The following ACSL5 variants were observed in gnomAD, a reference collection of about 807,000 sequenced individuals.
The protein encoded by ACSL5 is acyl-CoA synthetase long chain family member 5.
In ACSL5, 50 loss-of-function variants were observed where a neutral mutation model predicts 84.9. The ratio of observed to expected loss-of-function variants is 0.59; its 90% CI spans 0.47 to 0.75. ACSL5 has a LOEUF of 0.75. ACSL5 is among the 30% of genes least tolerant of loss of function. The probability of loss-of-function intolerance (pLI) is 0.00; values close to 1 mark genes in which losing one functional copy is unlikely to be tolerated. For missense variants in ACSL5, 775 were observed against 830.4 expected (o/e 0.93, Z 0.82); for synonymous variants, 280 against 300.7 (o/e 0.93, Z 0.71).
In ACSL5 at chr10:112,426,670, A is replaced by G. The variant is rs1358651602; in HGVS notation, c.1840-118A>G. 5 of 871,618 alleles carry G rather than the reference A, an allele frequency of 5.7e-6. No homozygotes were observed. The African/African-American group carries it at 6.7e-5, about 12-fold the overall frequency. 54.0% of individuals were successfully genotyped at this position (871,618 alleles called of 1,614,324 possible). ...TTGGGCATATAATGTGCTTGTGCAT[A>G]GTTTTATATTCCTGCTTTCATACTG... On this transcript the variant is annotated intron_variant, in intron 19 of 20. Transcript: ENST00000354655.
chr10:112,413,405 T>A, intron 12 of ACSL5, 98 bp downstream of exon 12: 2 of 1,388,610 alleles, frequency 1.4e-6, no homozygotes, highest in Non-Finnish European at 2.0e-6. Context: ...CTCCACCCTC[T>A]ACAAGTATCT....
chr10:112,410,764 C>A, intron 9 of ACSL5, 129 bp downstream of exon 9: 1 of 900,094 alleles, frequency 1.1e-6, no homozygotes. Context: ...CAGCCTAAGG[C>A]TTCTAAGTGT....
Position 112,382,283 on chromosome 10 carries a change from T to G in ACSL5, c.-30+8014T>G, listed in dbSNP as rs567252814. On this transcript the variant is annotated intron_variant, in intron 1 of 20. Coordinates refer to ENST00000354655, the MANE Select transcript of ACSL5 (RefSeq NM_203379.2). ...CTGTCCTGCTGTGTGCATAGAAGCA[T>G]GTTCTGTTCCTTGTGGGATTGAACA... Among the ~76,000 whole-genome samples the G allele has an allele frequency of 3.9e-5, 6 of 152,364 alleles. 1 individual carries two copies. Among genetic ancestry groups the G allele is most frequent in the Admixed American group, 3.9e-4 (6 of 15,310 alleles).
chr10:112,383,519 C>A (rs1849391381), intron 1 of ACSL5, among the ~76,000 whole-genome samples: 1 of 152,214 alleles, frequency 6.6e-6, no homozygotes, highest in Non-Finnish European at 1.5e-5. Flanking sequence ...CAGCCTTCAC[C>A]TTTGCTCTGG....
intron 2 of ACSL5, among the ~76,000 whole-genome samples, chr10:112,397,445 C>T (rs1345034520): frequency 1.3e-5 from 2 of 152,182 alleles, no homozygotes; most frequent in Non-Finnish European, 2.9e-5. Flanking sequence ...GCTGAAATTA[C>T]AGGCGTGAGC....
At chr10:112,413,973 A>G (rs1277876570) in intron 12 of ACSL5, among the ~76,000 whole-genome samples, 42 of 152,142 alleles carry the variant, frequency 2.8e-4, no homozygotes, top group Admixed American at 2.7e-3. Flanking sequence ...TACACCTATT[A>G]TTTCTAACTT....
At chr10:112,392,731 ATTCT>A (rs1179099367) in intron 1 of ACSL5, among the ~76,000 whole-genome samples, 1 of 136,710 alleles carries the variant, frequency 7.3e-6, no homozygotes, top group African/African-American at 2.6e-5. Flanking sequence ...ACAGAGCGAG[ATTCT>A]GTCTCAAAAA....
chr10:112,407,984 C>T (rs1844085157), intron 5 of ACSL5, among the ~76,000 whole-genome samples: 1 of 151,974 alleles, frequency 6.6e-6, no homozygotes, highest in African/African-American at 2.4e-5. Flanking sequence ...GCAGTATTTA[C>T]AACTGTCCCT....
intron 1 of ACSL5, among the ~76,000 whole-genome samples, chr10:112,377,391 T>C (rs1849261875): frequency 1.3e-5 from 2 of 152,140 alleles, no homozygotes; most frequent in African/African-American, 4.8e-5. Flanking sequence ...AATACAAAAA[T>C]TAGCTTGGCG....
chr10:112,386,567 T>C (rs1229547222), intron 1 of ACSL5, among the ~76,000 whole-genome samples: 2 of 152,196 alleles, frequency 1.3e-5, no homozygotes, highest in Non-Finnish European at 2.9e-5. Context: ...ACCCAATTCC[T>C]GCTATTTTTC....
chr10:112,407,314 C>G (rs1479000299), intron 5 of ACSL5, among the ~76,000 whole-genome samples: 3 of 152,130 alleles, frequency 2.0e-5, no homozygotes, highest in Admixed American at 6.5e-5. Flanking sequence ...ACCTCCACCT[C>G]CCGGGTTCAA....
intron 5 of ACSL5, among the ~76,000 whole-genome samples, chr10:112,407,963 T>G (rs1211449954): frequency 5.3e-5 from 8 of 152,140 alleles, no homozygotes; most frequent in Admixed American, 5.2e-4. Flanking sequence ...CTTATTTAAT[T>G]GTACTTTATA....
rs771902153 is a variant in ACSL5, at chr10:112,427,309, A to C, written c.2003A>C (p.Lys668Thr). 2 of 1,613,858 alleles carry C rather than the reference A, an allele frequency of 1.2e-6. No homozygotes were observed. The highest frequency in any genetic ancestry group is 2.2e-5 in the South Asian group (2 of 91,010). The change falls in exon 21 of 21, where the codon AAA (lysine) becomes ACA (threonine). Residue 668 changes from lysine (K) to threonine (T), a missense_variant. Lys to Thr is a moderately conservative substitution (Grantham distance 78). Transcript: ENST00000354655. ...TLKAKRGELS[K>T]YFRTQIDSLY... ...AAAGCAAAGCGAGGAGAGCTTTCCA[A>C]ATACTTTCGGACCCAAATTGACAGC...
intron 5 of ACSL5, chr10:112,406,477 CG>C (rs1844040775): frequency 6.6e-6 from 1 of 152,032 alleles, no homozygotes; most frequent in South Asian, 2.1e-4. Flanking sequence ...TGGGTTGGGC[CG>C]GAGGAGGGGT....
chr10:112,409,428 A>T, intron 6 of ACSL5, 79 bp from the exon 7 acceptor site: 1 of 1,408,154 alleles, frequency 7.1e-7, no homozygotes, highest in Non-Finnish European at 9.8e-7. Flanking sequence ...GAAAACTTTT[A>T]AAACCTCTTC....
In ACSL5 at chr10:112,408,483, C is replaced by T. The variant is rs1288497566; in HGVS notation, c.494C>T (p.Thr165Ile). The T allele has an allele frequency of 1.2e-6, 2 of 1,613,538 alleles. No homozygotes were observed. Among genetic ancestry groups the T allele is most frequent in the Non-Finnish European group, 8.5e-7 (1 of 1,179,534 alleles). Residue 165 changes from threonine (T) to isoleucine (I), a missense_variant, in exon 6 of 21, where the codon ACC becomes ATC. By Grantham distance (89) the Thr-to-Ile change is moderately conservative (BLOSUM62 -1). Coordinates refer to ENST00000354655, the MANE Select transcript of ACSL5 (RefSeq NM_203379.2). ...ATGGTAGCTGTACCTCTGTATGACA[C>T]CTTGGGACCAGAAGCCATCGTACAT... ...YSMVAVPLYD[T>I]LGPEAIVHIV...
intron 14 of ACSL5, chr10:112,419,248 A>G (rs1359892310): frequency 3.3e-5 from 5 of 152,156 alleles, no homozygotes; most frequent in Non-Finnish European, 7.3e-5. Flanking sequence ...AGTCATTCAG[A>G]TATTAGCTAA....
chr10:112,377,409 G>A (rs773672822), intron 1 of ACSL5, among the ~76,000 whole-genome samples: 12 of 152,130 alleles, frequency 7.9e-5, no homozygotes, highest in East Asian at 1.9e-4. Context: ...GCGTGGTGGC[G>A]TACGCCTGTA....
intron 5 of ACSL5, among the ~76,000 whole-genome samples, chr10:112,408,105 A>G (rs1844088243): frequency 1.3e-5 from 2 of 151,854 alleles, no homozygotes; most frequent in African/African-American, 4.8e-5. Context: ...TTTATGCCAG[A>G]ATGGGAAACA....
Sources: allele counts gnomAD v4.1 joint callset (sites outside exome capture counted in the v4.1 genomes callset), GRCh38; gene constraint gnomAD v4.1.1; transcripts MANE v1.5; gene names NCBI Gene and HGNC (gene_info 2026-07-23, HGNC 2026-07-21).